TP53BP2: variants seen among roughly 807,000 people sequenced by gnomAD.
The protein encoded by TP53BP2 is apoptosis-stimulating of p53 protein 2.
A neutral mutation model predicts 126.2 loss-of-function variants in TP53BP2; 62 were observed. The ratio of observed to expected loss-of-function variants is 0.49; its 90% CI spans 0.40 to 0.61. TP53BP2 has a LOEUF of 0.61. Among genes scored for constraint, TP53BP2 ranks in the 20% least tolerant of loss-of-function variants. The pLI is 0.00. For missense variants in TP53BP2, 1,215 were observed against 1,402.8 expected (o/e 0.87, Z 2.14); for synonymous variants, 485 against 502.9 (o/e 0.96, Z 0.48).
At chr1:223,793,688 A>G (rs544088030) in intron 13 of TP53BP2, among the ~76,000 whole-genome samples, 1 of 152,366 alleles carries the variant, frequency 6.6e-6, no homozygotes, top group Admixed American at 6.5e-5. Flanking sequence ...TATAAAATCT[A>G]ACATAATTAC....
Position 223,818,640 on chromosome 1 carries a change from T to C in TP53BP2, c.175+2580A>G, listed in dbSNP as rs115744326. Among the ~76,000 whole-genome samples the C allele has an allele frequency of 7.5e-3, 1,133 of 150,812 alleles. 16 individuals are homozygous for C. Among genetic ancestry groups the C allele is most frequent in the African/African-American group, 0.025 (1,047 of 41,090 alleles). Reference sequence around the variant, plus strand: ...GCTGGAGTGGAGTGGAGTTGTGCGATCTCAGCTCATTGCAACCTCTGCCTC... The same window carrying C: ...GCTGGAGTGGAGTGGAGTTGTGCGACCTCAGCTCATTGCAACCTCTGCCTC... On this transcript the variant is annotated intron_variant, in intron 2 of 17. Transcript: ENST00000343537.
Position 223,798,437 on chromosome 1 carries a change from G to A in TP53BP2, c.1726C>T (p.Pro576Ser). The change falls in exon 12 of 18, where the codon CCA (proline) becomes TCA (serine). Residue 576 changes from proline to serine, a missense_variant. By Grantham distance (74) the Pro-to-Ser change is moderately conservative (BLOSUM62 -1). Transcript: ENST00000343537. ...GGTGGACTTTCTTGCTTAGAACCTG[G>A]AGAAAGGGTCTGGTCTTGGCCAACC... Reference protein sequence around the residue: ...PSVGQDQTLSPGSKQESPPAA... With the variant: ...PSVGQDQTLSSGSKQESPPAA... 2 of 1,614,182 alleles carry A rather than the reference G, an allele frequency of 1.2e-6. No individual in the cohort carries two copies. Among genetic ancestry groups the A allele is most frequent in the Non-Finnish European group, 1.7e-6 (2 of 1,180,022 alleles).
chr1:223,789,312 A>G (rs1181477787), intron 15 of TP53BP2, 138 bp from the exon 16 acceptor site: 9 of 914,206 alleles, frequency 9.8e-6, no homozygotes, highest in Non-Finnish European at 1.5e-5. Context: ...GTTTTTTAAA[A>G]ACCAGTTCAA....
intron 7 of TP53BP2, 54 bp from the exon 8 acceptor site, chr1:223,802,949 C>T: frequency 6.3e-7 from 1 of 1,590,434 alleles, no homozygotes; most frequent in Non-Finnish European, 8.6e-7. Context: ...GAAAATGTCT[C>T]AAACAGTTAA....
chr1:223,790,270 T>A (rs917257436), intron 15 of TP53BP2, among the ~76,000 whole-genome samples: 2 of 149,526 alleles, frequency 1.3e-5, no homozygotes, highest in South Asian at 2.1e-4. Context: ...TTTTATTTTT[T>A]TTTTGGCCAG....
At chr1:223,822,875 T>C (rs1052215524) in intron 1 of TP53BP2, among the ~76,000 whole-genome samples, 15 of 152,306 alleles carry the variant, frequency 9.8e-5, no homozygotes, top group African/African-American at 3.4e-4. Flanking sequence ...TAAGGCTCTA[T>C]GTTTATTCAA....
Position 223,796,808 on chromosome 1 carries a change from G to A in TP53BP2, c.1949-218C>T, listed in dbSNP as rs949359904. ...TACAGAATCAAAACCCCCACTGATT[G>A]TAACATGCACCATATCTCATGAAAC... is the stretch of plus-strand genomic sequence containing the variant. On this transcript the variant is annotated intron_variant, in intron 12 of 17. Transcript: ENST00000343537. The surrounding 1 kb of genome is among the most constrained non-coding windows in gnomAD (Gnocchi z 4.2). 3.3e-5 allele frequency among the ~76,000 whole-genome samples: 5 copies of A among 152,178 alleles called. No homozygotes were observed. Among genetic ancestry groups the A allele is most frequent in the African/African-American group, 9.7e-5 (4 of 41,442 alleles).
rs139578991 is a variant in TP53BP2 at position 223,798,662 on chromosome 1, C to G, written c.1501G>C (p.Val501Leu). 2.1e-5 allele frequency: 33 copies of G among 1,606,186 alleles called. No individual in the cohort carries two copies. The highest frequency in any genetic ancestry group is 2.7e-5 in the Non-Finnish European group (32 of 1,176,106). ...LRDAQVANKN[V>L]AKVPPPVPTK... ...GGAACAGGAGGTGGTACTTTAGCCACATTTTTATTTGCAACCTATAACACA... is the reference window on the plus strand; with the variant it reads ...GGAACAGGAGGTGGTACTTTAGCCAGATTTTTATTTGCAACCTATAACACA... Residue 501 changes from valine (V) to leucine (L), a missense_variant, in exon 12 of 18, where the codon GTG becomes CTG. Val to Leu is a conservative substitution (Grantham distance 32, BLOSUM62 1). This residue lies in a region of TP53BP2 where 814 missense variants were observed against 853.0 expected (regional missense o/e 0.95). Transcript: ENST00000343537.
At chr1:223,800,831 T>C (rs1300532785) in intron 9 of TP53BP2, 21 bp from the exon 10 acceptor site, 10 of 1,526,682 alleles carry the variant, frequency 6.6e-6, no homozygotes, top group Non-Finnish European at 9.0e-6. Context: ...GAAAAGCAGC[T>C]ACAAATAACT....
intron 1 of TP53BP2, among the ~76,000 whole-genome samples, chr1:223,822,746 T>C (rs902973140): frequency 3.3e-5 from 5 of 151,732 alleles, no homozygotes; most frequent in Non-Finnish European, 7.4e-5. Flanking sequence ...GAAACACTGC[T>C]ACTAAAGAAT....
At chr1:223,801,434 A>T (rs949675836) in intron 9 of TP53BP2, among the ~76,000 whole-genome samples, 2 of 152,346 alleles carry the variant, frequency 1.3e-5, no homozygotes, top group African/African-American at 4.8e-5. Context: ...AAGAGAACAG[A>T]GACAATACTG....
chr1:223,785,220 G>A (rs981763150), intron 16 of TP53BP2, among the ~76,000 whole-genome samples: 3 of 152,184 alleles, frequency 2.0e-5, no homozygotes, highest in Non-Finnish European at 2.9e-5. Flanking sequence ...CTTTTGAATA[G>A]TTAGCTTTTT....
intron 9 of TP53BP2, 26 bp from the exon 10 acceptor site, chr1:223,800,836 A>ATAACT: frequency 6.7e-7 from 1 of 1,493,066 alleles, no homozygotes; most frequent in Non-Finnish European, 9.2e-7. Context: ...GCAGCTACAA[A>ATAACT]TAACTCAGCA....
Position 223,795,856 on chromosome 1 carries a change from T to C in TP53BP2, c.2683A>G (p.Met895Val). Residue 895 changes from methionine (M) to valine (V), a missense_variant, in exon 13 of 18, where the codon ATG becomes GTG. Physicochemically the swap from Met to Val is conservative, Grantham distance 21 (BLOSUM62 1). Coordinates refer to ENST00000343537, the MANE Select transcript of TP53BP2 (RefSeq NM_001031685.3). ...PEGPGEDSVSMRPPEITGQVS... is the reference protein window; with the variant it reads ...PEGPGEDSVSVRPPEITGQVS... ...TGCCCGGTGATTTCAGGCGGGCGCA[T>C]GCTCACCGAGTCTTCTCCGGGCCCT... 1.3e-6 allele frequency: 2 copies of C among 1,580,936 alleles called. No homozygotes were observed. The highest frequency in any genetic ancestry group is 1.7e-6 in the Non-Finnish European group (2 of 1,164,306).
rs1403306531 is a variant in TP53BP2, at chr1:223,802,203, C to T, written c.1138G>A (p.Gly380Ser). 6.2e-7 allele frequency: 1 copy of T among 1,614,182 alleles called. No individual in the cohort carries two copies. Among genetic ancestry groups the T allele is most frequent in the Non-Finnish European group, 8.5e-7 (1 of 1,180,032 alleles). Residue 380 changes from glycine to serine, a missense_variant, in exon 9 of 18, where the codon GGT becomes AGT. Physicochemically the swap from Gly to Ser is moderately conservative, Grantham distance 56. Around this residue, in one of 4 missense-constraint regions of TP53BP2, gnomAD observed 814 missense variants for 853.0 expected, o/e 0.95. Transcript: ENST00000343537. ...TCTGAAGCCTGAATGACCAAGGAAC[C>T]ATCCGGCAGGGCTGGCTTCACCAGC... ...ELLVKPALPD[G>S]SLVIQASEGP... is the part of the protein sequence containing the mutation.
chr1:223,824,946 C>T (rs1210978510), intron 1 of TP53BP2, among the ~76,000 whole-genome samples: 1 of 151,854 alleles, frequency 6.6e-6, no homozygotes, highest in Non-Finnish European at 1.5e-5. Flanking sequence ...CTCCCTTCCT[C>T]ATCTCCGTCA....
At chr1:223,781,945 T>A (rs1258781681) in intron 17 of TP53BP2, among the ~76,000 whole-genome samples, 1 of 152,204 alleles carries the variant, frequency 6.6e-6, no homozygotes. Flanking sequence ...TTTCAGAATC[T>A]TCTAAGCGCC....
At chr1:223,838,790 C>G (rs1272949902) in intron 1 of TP53BP2, among the ~76,000 whole-genome samples, 1 of 152,210 alleles carries the variant, frequency 6.6e-6, no homozygotes, top group Non-Finnish European at 1.5e-5. Flanking sequence ...ACCCCTCATA[C>G]AAAAGCTAAT....
Position 223,799,885 on chromosome 1 carries a change from A to G in TP53BP2, c.1485+14T>C. On this transcript the variant is annotated intron_variant, in intron 11 of 17. Coordinates refer to ENST00000343537, the MANE Select transcript of TP53BP2 (RefSeq NM_001031685.3). ...TTACTATTAAATTTTAAAAACCAGG[A>G]TATTTGTAGGTACCTGAGCATCCCG... 1 of 1,564,252 alleles carries G rather than the reference A, an allele frequency of 6.4e-7. No homozygotes were observed. The highest frequency in any genetic ancestry group is 1.2e-5 in the South Asian group (1 of 82,194).
Sources: gnomAD v4.1 joint callset for allele counts (sites outside exome capture counted in the v4.1 genomes callset) on GRCh38, gnomAD v4.1.1 for gene constraint, gnomAD v4.1.1 regional missense constraint, Gnocchi (gnomAD v3.1) non-coding constraint, MANE v1.5 for transcripts, NCBI Gene and HGNC (gene_info 2026-07-23, HGNC 2026-07-21) for gene names.